Variants in KANSL1L observed in about 807,000 individuals in gnomAD.
KANSL1L encodes the protein KAT8 regulatory NSL complex subunit 1 like, also known as KAT8 regulatory NSL complex subunit 1-like protein.
In KANSL1L, 25 loss-of-function variants were observed where a neutral mutation model predicts 108.6. That is an observed-to-expected ratio of 0.23 (90% CI 0.17 to 0.32). The LOEUF is 0.32. KANSL1L is among the 10% of genes least tolerant of loss of function. The pLI is 1.00. For missense variants in KANSL1L, 1,137 were observed against 1,125.7 expected, an observed-to-expected ratio of 1.01 and a Z score of -0.14; for synonymous variants, 405 against 395.1, an observed-to-expected ratio of 1.03 and a Z score of -0.30.
chr2:210,047,355 G>A (rs761716256), intron 6 of KANSL1L, among the ~76,000 whole-genome samples: 1 of 152,164 alleles, frequency 6.6e-6, no homozygotes, highest in Non-Finnish European at 1.5e-5. Context: ...AACCAGGTTG[G>A]TCCTTCAGCA....
chr2:210,084,205 T>C (rs2094615404), intron 5 of KANSL1L, among the ~76,000 whole-genome samples: 1 of 152,040 alleles, frequency 6.6e-6, no homozygotes, highest in Non-Finnish European at 1.5e-5. Flanking sequence ...GCAGATTGCC[T>C]GAGGTCAGGA....
At chr2:210,115,853 G>A (rs541863572) in intron 3 of KANSL1L, among the ~76,000 whole-genome samples, 3 of 152,152 alleles carry the variant, frequency 2.0e-5, no homozygotes, top group Non-Finnish European at 4.4e-5. Flanking sequence ...GCATGAGAGA[G>A]GGGAGGCAGA....
At chr2:210,045,779 A>C (rs542852883) in intron 6 of KANSL1L, among the ~76,000 whole-genome samples, 5 of 151,982 alleles carry the variant, frequency 3.3e-5, no homozygotes, top group Admixed American at 1.3e-4. Context: ...TCTGGTTCTC[A>C]TTATTTCTGG....
chr2:210,121,647 A>C (rs567033393), intron 3 of KANSL1L, among the ~76,000 whole-genome samples: 83 of 152,284 alleles, frequency 5.5e-4, no homozygotes, highest in African/African-American at 1.9e-3. Context: ...TGAACTTAAA[A>C]TAAAAGTTTA....
intron 2 of KANSL1L, among the ~76,000 whole-genome samples, chr2:210,139,557 C>G (rs1324959781): frequency 6.6e-6 from 1 of 152,170 alleles, no homozygotes; most frequent in African/African-American, 2.4e-5. Context: ...TGTATCCTCT[C>G]CAACATTTGT....
chr2:210,065,816 C>T (rs1046525714), intron 6 of KANSL1L, among the ~76,000 whole-genome samples: 1 of 152,048 alleles, frequency 6.6e-6, no homozygotes, highest in Admixed American at 6.5e-5. Flanking sequence ...GAACTCCTGA[C>T]CTCAGGTGAT....
Position 210,127,226 on chromosome 2 carries a change from A to G in KANSL1L, c.1230+1805T>C, listed in dbSNP as rs201359007. On this transcript the variant is annotated intron_variant, in intron 3 of 14. Coordinates refer to ENST00000281772, the MANE Select transcript of KANSL1L (RefSeq NM_152519.4). ...GAAAAACAGTCTTTTCAACCAGGTA[A>G]AACTGAATATCTGAATGAAAACAAA... Among the ~76,000 whole-genome samples, 4 of 152,308 alleles carry G rather than the reference A, an allele frequency of 2.6e-5. No individual in the cohort carries two copies. The East Asian group carries it at 7.7e-4, about 29-fold the overall frequency.
intron 1 of KANSL1L, among the ~76,000 whole-genome samples, chr2:210,165,346 C>T (rs569733384): frequency 7.9e-5 from 12 of 151,924 alleles, no homozygotes; most frequent in East Asian, 7.7e-4. Flanking sequence ...AGTGTATCTC[C>T]GGTTTTTTTA....
Position 210,058,871 on chromosome 2 carries a change from G to A in KANSL1L, c.1756-14767C>T, listed in dbSNP as rs1214530785. ...AAAAAAAAAACCTTGCTGGTTTTAC[G>A]GCTCAGGGGGCATCACGGAACCTGC... On this transcript the variant is annotated intron_variant, in intron 6 of 14. Coordinates refer to ENST00000281772, the MANE Select transcript of KANSL1L (RefSeq NM_152519.4). 1.1e-4 allele frequency among the ~76,000 whole-genome samples: 16 copies of A among 148,094 alleles called. 1 individual carries two copies. Among genetic ancestry groups the A allele is most frequent in the Admixed American group, 4.7e-4 (7 of 14,768 alleles).
intron 2 of KANSL1L, among the ~76,000 whole-genome samples, chr2:210,137,258 C>T (rs138304887): frequency 7.2e-5 from 11 of 152,262 alleles, no homozygotes; most frequent in Middle Eastern, 3.4e-3. Context: ...AATAAACCAG[C>T]AACTTACTGA....
In KANSL1L at chr2:210,022,215, C is replaced by CAAAG. The variant is rs1029685042; in HGVS notation, c.*730_*733dup. 3 of 151,744 alleles carry CAAAG rather than the reference C, an allele frequency of 2.0e-5. No individual in the cohort carries two copies. The highest frequency in any genetic ancestry group is 7.3e-5 in the African/African-American group (3 of 41,300). The allele number at this position is 151,744 out of a possible 1,614,324, so 9.4% of individuals were successfully genotyped here. Reference sequence around the variant, plus strand: ...ACAGAAAGTAGCCTGTGTTTAGTCCCAAAGATAGCAGTGATTTTGAATAAA... The same window carrying CAAAG: ...ACAGAAAGTAGCCTGTGTTTAGTCCCAAAGAAAGATAGCAGTGATTTTGAATAAA... On this transcript the variant is annotated 3_prime_UTR_variant, in exon 15 of 15. Coordinates refer to ENST00000281772, the MANE Select transcript of KANSL1L (RefSeq NM_152519.4).
chr2:210,113,567 GA>G (rs1170401159), intron 3 of KANSL1L, among the ~76,000 whole-genome samples: 1 of 150,910 alleles, frequency 6.6e-6, no homozygotes, highest in Non-Finnish European at 1.5e-5. Flanking sequence ...GCATTCAAAG[GA>G]AAAAAAAGAA....
intron 6 of KANSL1L, among the ~76,000 whole-genome samples, chr2:210,066,958 A>T (rs2094471127): frequency 6.6e-6 from 1 of 152,206 alleles, no homozygotes; most frequent in Admixed American, 6.5e-5. Context: ...TTAACATTTG[A>T]ATCAGTTGAC....
intron 3 of KANSL1L, among the ~76,000 whole-genome samples, chr2:210,128,166 T>A (rs1210422744): frequency 6.6e-6 from 1 of 152,170 alleles, no homozygotes; most frequent in Non-Finnish European, 1.5e-5. Flanking sequence ...CTGGTGGGAA[T>A]GTTAACTGGT....
chr2:210,110,166 C>T (rs568492341), intron 3 of KANSL1L, among the ~76,000 whole-genome samples: 1 of 152,308 alleles, frequency 6.6e-6, no homozygotes, highest in East Asian at 1.9e-4. Context: ...TCCTTTCTCC[C>T]GTTCCTCTTT....
chr2:210,030,534 A>AGT (rs200978066), intron 9 of KANSL1L, among the ~76,000 whole-genome samples: 35,700 of 128,358 alleles, frequency 0.28, 5,451 homozygotes, highest in Admixed American at 0.42. Context: ...GTTCCCAGTT[A>AGT]CTGTGTGTGT....
At chr2:210,146,224 T>G (rs1048552482) in intron 2 of KANSL1L, among the ~76,000 whole-genome samples, 10 of 152,178 alleles carry the variant, frequency 6.6e-5, no homozygotes, top group Admixed American at 1.3e-4. Flanking sequence ...GCAGTTATCC[T>G]CTGGATTTTT....
At chr2:210,133,596 G>C (rs941443126) in intron 2 of KANSL1L, among the ~76,000 whole-genome samples, 4 of 151,738 alleles carry the variant, frequency 2.6e-5, no homozygotes, top group African/African-American at 9.7e-5. Flanking sequence ...TTTGCTTTGG[G>C]TTTAATTTAG....
Position 210,022,735 on chromosome 2 carries a change from CACA to C in KANSL1L, c.*211_*213del. 1.9e-6 allele frequency: 1 copy of C among 521,510 alleles called. No homozygotes were observed. Among genetic ancestry groups the C allele is most frequent in the Non-Finnish European group, 3.4e-6 (1 of 291,856 alleles). 32.3% of individuals were successfully genotyped at this position (521,510 alleles called of 1,614,324 possible). The stretch of plus-strand genomic sequence containing the variant: ...GTTTGTAAGTAAGTTGCATGATAAA[CACA>C]AATGACTACCACTTGTCTGTAGATG... On this transcript the variant is annotated 3_prime_UTR_variant, in exon 15 of 15. Transcript: ENST00000281772.
Sources: gnomAD v4.1 joint callset for allele counts (sites outside exome capture counted in the v4.1 genomes callset) on GRCh38, gnomAD v4.1.1 for gene constraint, MANE v1.5 for transcripts, NCBI Gene and HGNC (gene_info 2026-07-23, HGNC 2026-07-21) for gene names.